Variants in STX18 observed in about 807,000 individuals in gnomAD.
STX18 encodes syntaxin 18, also known as syntaxin-18.
Under a neutral mutation model 50.1 loss-of-function variants are expected in STX18, and 40 were observed. The ratio of observed to expected loss-of-function variants is 0.80; its 90% CI spans 0.62 to 1.04. The LOEUF (loss-of-function observed/expected upper bound fraction) is 1.04, where lower values mean the gene tolerates loss of function less well. Ranked by LOEUF, STX18 falls within the 50% of genes least tolerant of loss-of-function variation. The pLI, the probability that STX18 is intolerant of heterozygous loss-of-function variation, is 0.00. For missense variants in STX18, 410 were observed against 415.8 expected (o/e 0.99, Z 0.12); for synonymous variants, 158 against 151.8 (o/e 1.04, Z -0.30).
chr4:4,451,720 T>C (rs1222622293), intron 5 of STX18, among the ~76,000 whole-genome samples: 1 of 152,236 alleles, frequency 6.6e-6, no homozygotes, highest in Non-Finnish European at 1.5e-5. Context: ...GTGTGTGCTC[T>C]GACTGCTCCC....
chr4:4,523,815 C>T (rs1434704297), intron 1 of STX18, among the ~76,000 whole-genome samples: 1 of 152,210 alleles, frequency 6.6e-6, no homozygotes, highest in Non-Finnish European at 1.5e-5. Flanking sequence ...TAGTCCCCTA[C>T]TGAAAACTTT....
intron 1 of STX18, 84 bp from the exon 2 acceptor site, chr4:4,471,790 C>A (rs567997599): frequency 1.8e-4 from 183 of 1,019,188 alleles, no homozygotes; most frequent in Non-Finnish European, 2.4e-4. Flanking sequence ...GAATAAAATG[C>A]AAATTGCAGA....
intron 8 of STX18, among the ~76,000 whole-genome samples, chr4:4,424,177 T>C (rs1725117655): frequency 6.6e-6 from 1 of 152,192 alleles, no homozygotes; most frequent in Admixed American, 6.5e-5. Flanking sequence ...GCTAGCCATC[T>C]TCCTGGTGTC....
chr4:4,421,985 C>T (rs1439010191), intron 9 of STX18, among the ~76,000 whole-genome samples: 1 of 152,160 alleles, frequency 6.6e-6, no homozygotes, highest in East Asian at 1.9e-4. Context: ...CTCCTCCTTT[C>T]GGTGGTGGTG....
intron 2 of STX18, among the ~76,000 whole-genome samples, chr4:4,471,429 G>A (rs1303837836): frequency 6.6e-6 from 1 of 152,196 alleles, no homozygotes; most frequent in Non-Finnish European, 1.5e-5. Flanking sequence ...CAAATAGACT[G>A]GAAGATATTG....
chr4:4,503,004 T>C (rs1385149531), intron 1 of STX18, among the ~76,000 whole-genome samples: 2 of 152,184 alleles, frequency 1.3e-5, no homozygotes, highest in African/African-American at 4.8e-5. Flanking sequence ...ATGACTCTAA[T>C]GACTGGACAA....
At chr4:4,435,754 C>T (rs1025288637) in intron 6 of STX18, among the ~76,000 whole-genome samples, 10 of 152,122 alleles carry the variant, frequency 6.6e-5, no homozygotes, top group South Asian at 4.1e-4. Flanking sequence ...TGAAAGGGAG[C>T]GTAGGAACAT....
intron 1 of STX18, among the ~76,000 whole-genome samples, chr4:4,496,408 G>A (rs546467814): frequency 1.3e-5 from 2 of 152,130 alleles, no homozygotes; most frequent in East Asian, 1.9e-4. Flanking sequence ...CAGCCAACCC[G>A]CCATCAAGTC....
At chr4:4,477,046 A>G (rs970965392) in intron 1 of STX18, among the ~76,000 whole-genome samples, 1 of 152,112 alleles carries the variant, frequency 6.6e-6, no homozygotes, top group Non-Finnish European at 1.5e-5. Flanking sequence ...TTAAAAATAC[A>G]ATTAAAAAAA....
intron 2 of STX18, 48 bp from the exon 3 acceptor site, chr4:4,459,535 T>C (rs1727268478): frequency 1.5e-6 from 2 of 1,368,052 alleles, no homozygotes; most frequent in Admixed American, 3.4e-5. Flanking sequence ...GAGAACATAA[T>C]ATAGTCTGAG....
chr4:4,525,116 A>G (rs1179034204), intron 1 of STX18, among the ~76,000 whole-genome samples: 1 of 152,232 alleles, frequency 6.6e-6, no homozygotes, highest in Non-Finnish European at 1.5e-5. Context: ...TTTTATAAAG[A>G]GCTAGAAAAA....
chr4:4,423,459 T>A, intron 9 of STX18, 59 bp downstream of exon 9: 1 of 1,543,218 alleles, frequency 6.5e-7, no homozygotes, highest in Non-Finnish European at 8.9e-7. Flanking sequence ...TGTCTCGTGC[T>A]CTCAAGTACA....
rs553167207 is a variant in STX18 at position 4,476,468 on chromosome 4, C to T, written c.169-4762G>A. 5.3e-5 allele frequency among the ~76,000 whole-genome samples: 8 copies of T among 152,268 alleles called. No homozygotes were observed. In the South Asian group the frequency reaches 8.3e-4, roughly 16 times the overall value. On this transcript the variant is annotated intron_variant, in intron 1 of 10. Transcript: ENST00000306200. ...CTGGAACTAGAACCCTTAACCATTA[C>T]GGGGAACTAGCATGGGCTCCCTCAG...
At chr4:4,520,735 A>T (rs1348344479) in intron 1 of STX18, among the ~76,000 whole-genome samples, 2 of 152,216 alleles carry the variant, frequency 1.3e-5, no homozygotes, top group Non-Finnish European at 2.9e-5. Flanking sequence ...TGCAGAGAAA[A>T]AAAAACACTG....
At chr4:4,432,589 G>A (rs62289804) in intron 7 of STX18, among the ~76,000 whole-genome samples, 1,824 of 152,322 alleles carry the variant, frequency 0.012, 15 homozygotes, top group South Asian at 0.017. Context: ...CCACCTGTGG[G>A]GTGGCCATTT....
At chr4:4,542,170 A>T (rs1731646683), upstream of STX18, 1 of 586,760 alleles carries the variant, frequency 1.7e-6, no homozygotes. Context: ...CTGGCGGAGG[A>T]GGAACCTCGC....
At chr4:4,506,247 A>G (rs1000768652) in intron 1 of STX18, among the ~76,000 whole-genome samples, 1 of 152,260 alleles carries the variant, frequency 6.6e-6, no homozygotes, top group African/African-American at 2.4e-5. Context: ...GTATACAAAC[A>G]TTTGTAGCAG....
chr4:4,505,596 A>G (rs1255485560), intron 1 of STX18, among the ~76,000 whole-genome samples: 2 of 151,604 alleles, frequency 1.3e-5, no homozygotes, highest in East Asian at 1.9e-4. Flanking sequence ...CCTGGCCAAC[A>G]CGGCGAAACT....
At chr4:4,452,049 G>A (rs1726780752) in intron 5 of STX18, among the ~76,000 whole-genome samples, 1 of 152,196 alleles carries the variant, frequency 6.6e-6, no homozygotes, top group Admixed American at 6.5e-5. Context: ...AAGCAAAACA[G>A]CCTTATTGCC....
Sources: gnomAD v4.1 joint callset for allele counts (sites outside exome capture counted in the v4.1 genomes callset) on GRCh38, gnomAD v4.1.1 for gene constraint, MANE v1.5 for transcripts, NCBI Gene and HGNC (gene_info 2026-07-23, HGNC 2026-07-21) for gene names.